Variants in NEDD4 observed in about 807,000 individuals in gnomAD.
NEDD4 encodes the protein E3 ubiquitin-protein ligase NEDD4.
A neutral mutation model predicts 144.9 loss-of-function variants in NEDD4; 99 were observed. The ratio of observed to expected loss-of-function variants is 0.68; its 90% CI spans 0.58 to 0.81. NEDD4 has a LOEUF of 0.81. Among genes scored for constraint, NEDD4 ranks in the 30% least tolerant of loss-of-function variants. The probability of loss-of-function intolerance (pLI) is 0.00; values close to 1 mark genes in which losing one functional copy is unlikely to be tolerated. For missense variants in NEDD4, 985 were observed against 1,065.9 expected (o/e 0.92, Z 1.06); for synonymous variants, 318 against 350.6 (o/e 0.91, Z 1.04).
chr15:55,839,999 A>AATATATATATATAT (rs1176994871), intron 21 of NEDD4, among the ~76,000 whole-genome samples: 4 of 26,130 alleles, frequency 1.5e-4, no homozygotes, highest in Admixed American at 6.9e-4. Flanking sequence ...AAAAAAAAAA[A>AATATATATATATAT]ATATATATAT....
In NEDD4 at chr15:55,938,491, G is replaced by A. The variant is rs2036934731; in HGVS notation, c.237+12885C>T. Among the ~76,000 whole-genome samples the A allele has an allele frequency of 3.3e-5, 5 of 151,980 alleles. No individual in the cohort carries two copies. In the South Asian group the frequency reaches 6.2e-4, roughly 19 times the overall value. On this transcript the variant is annotated intron_variant, in intron 4 of 28. Transcript: ENST00000435532. ...TGAATTAAAGACACAAACAAGACCC[G>A]ACACTGTAAAACCCATAGAAGAAAA...
At chr15:55,896,224 C>G (rs1178711766) in intron 5 of NEDD4, among the ~76,000 whole-genome samples, 1 of 152,164 alleles carries the variant, frequency 6.6e-6, no homozygotes, top group Non-Finnish European at 1.5e-5. Context: ...CTCTGTTGCC[C>G]AGGCTGGAGT....
intron 5 of NEDD4, among the ~76,000 whole-genome samples, chr15:55,881,275 G>A (rs2035185497): frequency 6.6e-6 from 1 of 151,658 alleles, no homozygotes; most frequent in South Asian, 2.1e-4. Flanking sequence ...CTGAGTAGCT[G>A]GGATTACAGG....
chr15:55,863,698 G>C (rs1368851968), intron 8 of NEDD4, among the ~76,000 whole-genome samples: 19 of 152,154 alleles, frequency 1.2e-4, no homozygotes, highest in Admixed American at 1.0e-3. Context: ...TGTAATCTTA[G>C]GCTGTTCTCT....
intron 21 of NEDD4, among the ~76,000 whole-genome samples, chr15:55,839,998 AAAT>A (rs2141979715): frequency 4.1e-5 from 1 of 24,402 alleles, no homozygotes; most frequent in Non-Finnish European, 8.5e-5. Flanking sequence ...AAAAAAAAAA[AAAT>A]ATATATATAT....
At chr15:55,983,061 G>A (rs187982091) in intron 1 of NEDD4, among the ~76,000 whole-genome samples, 1 of 152,262 alleles carries the variant, frequency 6.6e-6, no homozygotes, top group Admixed American at 6.5e-5. Context: ...GGCAGAGGTT[G>A]CAGTGAACCG....
At chr15:55,872,858 C>A (rs2034852790) in intron 6 of NEDD4, among the ~76,000 whole-genome samples, 1 of 151,270 alleles carries the variant, frequency 6.6e-6, no homozygotes, top group South Asian at 2.1e-4. Flanking sequence ...AAGTCAACAG[C>A]CTGGAAAGTA....
At chr15:55,920,102 T>C (rs2036542002) in intron 5 of NEDD4, among the ~76,000 whole-genome samples, 1 of 152,154 alleles carries the variant, frequency 6.6e-6, no homozygotes, top group South Asian at 2.1e-4. Flanking sequence ...AAGACTACAA[T>C]GTAGAATCCC....
Position 55,915,573 on chromosome 15 carries a change from G to C in NEDD4, c.291+9073C>G, listed in dbSNP as rs188669610. The C allele has an allele frequency of 3.1e-6, 5 of 1,613,810 alleles. No homozygotes were observed. The Admixed American group carries it at 8.3e-5, about 27-fold the overall frequency. Reference sequence around the variant, plus strand: ...ATTTTGGGAGGATGGCAAACATGCAGATGTCCTATGCATGAGCTTAATATA... The same window carrying C: ...ATTTTGGGAGGATGGCAAACATGCACATGTCCTATGCATGAGCTTAATATA... On this transcript the variant is annotated intron_variant, in intron 5 of 28. Transcript: ENST00000435532.
chr15:55,916,004 G>A, intron 5 of NEDD4: 1 of 1,613,724 alleles, frequency 6.2e-7, no homozygotes. Context: ...AAGTCGGTCG[G>A]GTAGTTGAAG....
At chr15:55,970,281 A>C (rs1184748143) in intron 1 of NEDD4, among the ~76,000 whole-genome samples, 2 of 151,942 alleles carry the variant, frequency 1.3e-5, no homozygotes, top group African/African-American at 4.8e-5. Context: ...TAAAGTCCCT[A>C]ATCCCAGGCC....
At chr15:55,900,246 G>A (rs2035871117) in intron 5 of NEDD4, among the ~76,000 whole-genome samples, 1 of 152,172 alleles carries the variant, frequency 6.6e-6, no homozygotes, top group African/African-American at 2.4e-5. Flanking sequence ...TGGAAATACT[G>A]CTCCACAGGA....
At chr15:55,916,730 G>C in intron 5 of NEDD4, 6 of 1,614,052 alleles carry the variant, frequency 3.7e-6, no homozygotes, top group Non-Finnish European at 5.1e-6. Context: ...GTCTTTTGAA[G>C]CACATGTGAA....
chr15:55,968,250 A>T (rs2037549861), intron 1 of NEDD4, among the ~76,000 whole-genome samples: 1 of 152,152 alleles, frequency 6.6e-6, no homozygotes, highest in Non-Finnish European at 1.5e-5. Context: ...CTTATACTAA[A>T]ACATAAAACC....
intron 6 of NEDD4, among the ~76,000 whole-genome samples, chr15:55,872,746 T>C (rs1226910754): frequency 6.6e-6 from 1 of 151,958 alleles, no homozygotes; most frequent in Non-Finnish European, 1.5e-5. Context: ...AGAAAAACAG[T>C]ATAGAGTGGT....
intron 4 of NEDD4, among the ~76,000 whole-genome samples, chr15:55,932,294 C>T (rs1349220338): frequency 5.9e-5 from 9 of 152,158 alleles, no homozygotes; most frequent in Non-Finnish European, 1.3e-4. Flanking sequence ...GTAACCAAAA[C>T]AGCATGGTAC....
At chr15:55,922,295 A>T (rs1206357680) in intron 5 of NEDD4, among the ~76,000 whole-genome samples, 11 of 152,268 alleles carry the variant, frequency 7.2e-5, no homozygotes, top group Non-Finnish European at 1.5e-4. Context: ...GCAAAAAAGC[A>T]TATCAGAGGA....
intron 1 of NEDD4, among the ~76,000 whole-genome samples, chr15:55,971,554 G>A (rs1303377081): frequency 6.8e-6 from 1 of 147,424 alleles, no homozygotes; most frequent in Admixed American, 6.8e-5. Flanking sequence ...GAATCTGGGA[G>A]GCAGAGGCTG....
chr15:55,847,122 G>A, intron 17 of NEDD4, 88 bp from the exon 18 acceptor site: 1 of 739,556 alleles, frequency 1.4e-6, no homozygotes, highest in Admixed American at 2.9e-5. Flanking sequence ...ATGAACGTAA[G>A]GGCATTAAAA....
Sources: allele counts gnomAD v4.1 joint callset (sites outside exome capture counted in the v4.1 genomes callset), GRCh38; gene constraint gnomAD v4.1.1; transcripts MANE v1.5; gene names NCBI Gene and HGNC (gene_info 2026-07-23, HGNC 2026-07-21).